The following APLP1 variants were observed in gnomAD, a reference collection of about 807,000 sequenced individuals.
APLP1 encodes amyloid beta (A4) precursor-like protein 1.
In APLP1, 46 loss-of-function variants were observed where a neutral mutation model predicts 84.5. The observed-to-expected ratio is 0.54, with a 90% CI of 0.43 to 0.70. The LOEUF (loss-of-function observed/expected upper bound fraction) is 0.70, where lower values mean the gene tolerates loss of function less well. APLP1 is among the 30% of genes least tolerant of loss of function. The probability of loss-of-function intolerance (pLI) is 0.00; values close to 1 mark genes in which losing one functional copy is unlikely to be tolerated. For synonymous variants in APLP1, 376 were observed against 364.0 expected (o/e 1.03, Z -0.38); for missense variants, 826 against 900.2 (o/e 0.92, Z 1.05).
Position 35,873,684 on chromosome 19 carries a change from C to T in APLP1, c.1027C>T (p.Pro343Ser), listed in dbSNP as rs766568558. The T allele has an allele frequency of 5.6e-6, 9 of 1,614,136 alleles. No individual in the cohort carries two copies. Among genetic ancestry groups the T allele is most frequent in the Non-Finnish European group, 6.8e-6 (8 of 1,180,016 alleles). Reference sequence around the variant, plus strand: ...GGCAGACAACCAGTCCAAGAACCTGCCTAAAGCCGACAGACAGGCCCTGAA... The same window carrying T: ...GGCAGACAACCAGTCCAAGAACCTGTCTAAAGCCGACAGACAGGCCCTGAA... ...AMADNQSKNL[P>S]KADRQALNEH... Residue 343 changes from proline (P) to serine (S), a missense_variant, in exon 8 of 17, where the codon CCT becomes TCT. By Grantham distance (74) the Pro-to-Ser change is moderately conservative (BLOSUM62 -1). This residue lies in a region of APLP1 where 433 missense variants were observed against 496.5 expected (regional missense o/e 0.87). Coordinates refer to ENST00000221891, the MANE Select transcript of APLP1 (RefSeq NM_001024807.3).
In APLP1 at chr19:35,874,903, C is replaced by G; in HGVS notation, c.1344+34C>G. 6.3e-7 allele frequency: 1 copy of G among 1,598,618 alleles called. No individual in the cohort carries two copies. The highest frequency in any genetic ancestry group is 8.5e-7 in the Non-Finnish European group (1 of 1,177,466). On this transcript the variant is annotated intron_variant, in intron 10 of 16. Transcript: ENST00000221891. The surrounding 1 kb of genome is among the most constrained non-coding windows in gnomAD (Gnocchi z 6.4). Reference sequence around the variant, plus strand: ...ATCCTTCCAGCTCCCAAATGCGCCGCTATTCCTCAGACGCCCGCGCCTCAG... The same window carrying G: ...ATCCTTCCAGCTCCCAAATGCGCCGGTATTCCTCAGACGCCCGCGCCTCAG...
chr19:35,872,283 G>A (rs1304927999), intron 6 of APLP1, among the ~76,000 whole-genome samples, 200 bp from the exon 7 acceptor site: 4 of 152,124 alleles, frequency 2.6e-5, no homozygotes, highest in African/African-American at 9.7e-5. Context: ...AGGAAAGCTT[G>A]GAAGATGGTG....
rs1282216532 is a variant in APLP1 at position 35,879,507 on chromosome 19, A to G, written c.*66A>G. 7.2e-7 allele frequency: 1 copy of G among 1,390,704 alleles called. No homozygotes were observed. The allele number at this position is 1,390,704 out of a possible 1,614,324, so 86.1% of individuals were successfully genotyped here. On this transcript the variant is annotated 3_prime_UTR_variant, in exon 17 of 17. Coordinates refer to ENST00000221891, the MANE Select transcript of APLP1 (RefSeq NM_001024807.3). The stretch of plus-strand genomic sequence containing the variant: ...CTCTTCCTGGAGCCCCAGAACCCCA[A>G]CTCCCAGCCTAGGGCAGCAGGGAGT...
intron 1 of APLP1, 105 bp from the exon 2 acceptor site, chr19:35,869,562 G>C (rs1431355288): frequency 6.9e-7 from 1 of 1,459,648 alleles, no homozygotes; most frequent in Non-Finnish European, 9.4e-7. Context: ...CGGTGCTTGG[G>C]GGAGGGGGCT....
rs111419351 is a variant in APLP1 at position 35,871,647 on chromosome 19, G to C, written c.573G>C (p.Ser191=). 1.2e-6 allele frequency: 2 copies of C among 1,613,934 alleles called. No individual in the cohort carries two copies. Among genetic ancestry groups the C allele is most frequent in the African/African-American group, 1.3e-5 (1 of 74,992 alleles). Residue 191 remains serine, a synonymous_variant, in exon 5 of 17, where the codon TCG becomes TCC. Coordinates refer to ENST00000221891, the MANE Select transcript of APLP1 (RefSeq NM_001024807.3). ...CSSQGLILHG[S]GMLLPCGSDR... ...CCCAGGGCCTCATCCTGCACGGCTC[G>C]GGCATGCTCTTACCCTGTGGCTCGG...
At position 35,871,957 on chromosome 19, in the gene APLP1, C is replaced by T. The variant is rs986696064; in HGVS notation, c.771C>T (p.Phe257=). ...TCCCACAGCCAGTAGATGATTACTT[C>T]GTGGAGCCTCCGCAGGCTGAAGAGG... is the stretch of plus-strand genomic sequence containing the variant. ...ESFPQPVDDY[F]VEPPQAEEEE... is the part of the protein sequence containing the mutation. Residue 257 remains phenylalanine (F), a synonymous_variant, in exon 6 of 17, where the codon TTC becomes TTT. Coordinates refer to ENST00000221891, the MANE Select transcript of APLP1 (RefSeq NM_001024807.3). The T allele has an allele frequency of 1.4e-5, 23 of 1,614,024 alleles. No homozygotes were observed. Among genetic ancestry groups the T allele is most frequent in the Non-Finnish European group, 1.6e-5 (19 of 1,180,032 alleles).
chr19:35,877,910 C>A, intron 12 of APLP1, 85 bp downstream of exon 12: 1 of 1,340,928 alleles, frequency 7.5e-7, no homozygotes, highest in Non-Finnish European at 1.0e-6. Flanking sequence ...CTGAGGGTGT[C>A]TTCACCACCA....
chr19:35,879,000 G>T (rs753776173), intron 15 of APLP1, 48 bp downstream of exon 15: 1 of 1,613,802 alleles, frequency 6.2e-7, no homozygotes, highest in South Asian at 1.1e-5. Context: ...CCAGAGGTCA[G>T]CGGCCAGGCT....
chr19:35,877,599 C>T (rs1293579989), intron 11 of APLP1, 119 bp from the exon 12 acceptor site: 2 of 642,098 alleles, frequency 3.1e-6, no homozygotes, highest in African/African-American at 1.9e-5. Context: ...CTTCTGGCTA[C>T]CCCACACTTG....
At chr19:35,869,055 C>G (rs528190142) in intron 1 of APLP1, 1 of 334,080 alleles carries the variant, frequency 3.0e-6, no homozygotes, top group East Asian at 4.9e-5. Context: ...CCAGGTGACT[C>G]GGCCCCAACC....
intron 7 of APLP1, among the ~76,000 whole-genome samples, chr19:35,873,164 T>C (rs1974200137): frequency 6.6e-6 from 1 of 150,860 alleles, no homozygotes; most frequent in South Asian, 2.1e-4. Flanking sequence ...CTGGCCTCTC[T>C]TTCACTTTAA....
intron 3 of APLP1, 80 bp downstream of exon 3, chr19:35,871,108 A>G: frequency 6.6e-7 from 1 of 1,507,906 alleles, no homozygotes; most frequent in Non-Finnish European, 8.9e-7. Flanking sequence ...TCAGGCCTAC[A>G]TTAAGGGGCT....
chr19:35,868,744 C>A lies in APLP1; in HGVS notation c.108C>A (p.Ala36=). The A allele has an allele frequency of 7.3e-7, 1 of 1,372,886 alleles. No individual in the cohort carries two copies. The allele number at this position is 1,372,886 out of a possible 1,614,324, so 85.0% of individuals were successfully genotyped here. Residue 36 remains alanine (A), a synonymous_variant, in exon 1 of 17, where the codon GCC becomes GCA. Coordinates refer to ENST00000221891, the MANE Select transcript of APLP1 (RefSeq NM_001024807.3). This position sits in a 1 kb window ranked among gnomAD's most constrained non-coding sequence, Gnocchi z 5.2. ...LLLLLLRAQP[A]IGSLAGGSPG... is the part of the protein sequence containing the mutation. ...TGCTGCTTCTGCGCGCGCAGCCCGC[C>A]ATCGGGAGCCTGGCCGGTGGGAGCC...
At chr19:35,878,725 G>A in intron 14 of APLP1, 71 bp downstream of exon 14, 1 of 1,572,004 alleles carries the variant, frequency 6.4e-7, no homozygotes, top group Non-Finnish European at 8.8e-7. Context: ...GTACGAGGGA[G>A]GAGATGCTGG....
Position 35,869,672 on chromosome 19 carries a change from G to A in APLP1, c.153G>A (p.Pro51=), listed in dbSNP as rs778854430. ...TCCTTTCCACTTCCATCCAGGCCCC[G>A]GGGTCGGCCCAGGTGGCTGGACTAT... ...AGGSPGAAEA[P]GSAQVAGLCG... is the part of the protein sequence containing the mutation. Residue 51 remains proline, a synonymous_variant, in exon 2 of 17, where the codon CCG becomes CCA. Coordinates refer to ENST00000221891, the MANE Select transcript of APLP1 (RefSeq NM_001024807.3). The A allele has an allele frequency of 7.5e-6, 12 of 1,609,668 alleles. No homozygotes were observed. Among genetic ancestry groups the A allele is most frequent in the African/African-American group, 1.3e-5 (1 of 74,710 alleles).
intron 1 of APLP1, chr19:35,869,376 TA>T: frequency 1.6e-6 from 1 of 609,616 alleles, no homozygotes. Flanking sequence ...GATTCAGGTT[TA>T]ACCCCTTCGG....
At position 35,871,761 on chromosome 19, in the gene APLP1, C is replaced by A; in HGVS notation, c.671+16C>A. Reference sequence around the variant, plus strand: ...CAGCAGTTGGGTGAGTGGGAGGGAACCCTCCATGCCCATCTCAAGGTTCCT... The same window carrying A: ...CAGCAGTTGGGTGAGTGGGAGGGAAACCTCCATGCCCATCTCAAGGTTCCT... On this transcript the variant is annotated intron_variant, in intron 5 of 16. Transcript: ENST00000221891. 6.2e-7 allele frequency: 1 copy of A among 1,613,894 alleles called. No homozygotes were observed. The highest frequency in any genetic ancestry group is 2.2e-5 in the East Asian group (1 of 44,870).
chr19:35,872,794 C>T (rs939868592), intron 7 of APLP1, among the ~76,000 whole-genome samples, 181 bp downstream of exon 7: 8 of 151,946 alleles, frequency 5.3e-5, no homozygotes, highest in African/African-American at 9.7e-5. Flanking sequence ...CCCACTGAGA[C>T]GCTACCAGGT....
chr19:35,876,884 T>G (rs942476328), intron 11 of APLP1, among the ~76,000 whole-genome samples: 1 of 152,158 alleles, frequency 6.6e-6, no homozygotes, highest in Admixed American at 6.6e-5. Flanking sequence ...CTAGCACAAA[T>G]GGACCTTTCT....
Sources: gnomAD v4.1 joint callset for allele counts (sites outside exome capture counted in the v4.1 genomes callset) on GRCh38, gnomAD v4.1.1 for gene constraint, gnomAD v4.1.1 regional missense constraint, Gnocchi (gnomAD v3.1) non-coding constraint, MANE v1.5 for transcripts, NCBI Gene and HGNC (gene_info 2026-07-23, HGNC 2026-07-21) for gene names.